BRAT1: variants seen among roughly 807,000 people sequenced by gnomAD.
BRAT1 encodes BRCA1 associated ATM activator 1, also known as integrator complex assembly factor BRAT1.
Under a neutral mutation model 70.6 loss-of-function variants are expected in BRAT1, and 74 were observed. The ratio of observed to expected loss-of-function variants is 1.05; its 90% confidence interval spans 0.87 to 1.27. BRAT1 has a LOEUF of 1.27. Among genes scored for constraint, BRAT1 ranks in the 50% most tolerant of loss-of-function variants. The pLI, the probability that BRAT1 is intolerant of heterozygous loss-of-function variation, is 0.00. For missense variants in BRAT1, 1,203 were observed against 1,098.2 expected, an observed-to-expected ratio of 1.10 and a Z score of -1.35; for synonymous variants, 615 against 517.1, an observed-to-expected ratio of 1.19 and a Z score of -2.57.
At chr7:2,554,969 C>T (rs1780308715) in intron 1 of BRAT1, among the ~76,000 whole-genome samples, 1 of 151,874 alleles carries the variant, frequency 6.6e-6, no homozygotes, top group African/African-American at 2.4e-5. Flanking sequence ...GTGTGTCTGT[C>T]CCTCTCAGGG....
At position 2,543,352 on chromosome 7, in the gene BRAT1, A is replaced by T; in HGVS notation, c.804-29T>A. The T allele has an allele frequency of 6.5e-7, 1 of 1,543,830 alleles. No homozygotes were observed. Among genetic ancestry groups the T allele is most frequent in the Non-Finnish European group, 8.7e-7 (1 of 1,144,450 alleles). Reference sequence around the variant, plus strand: ...CAGGGAGACCCCAGAGAGAAAAATTACTCCCCCACCCTCAAAACCCCATTC... The same window carrying T: ...CAGGGAGACCCCAGAGAGAAAAATTTCTCCCCCACCCTCAAAACCCCATTC... On this transcript the variant is annotated intron_variant, in intron 5 of 13. Coordinates refer to ENST00000340611, the MANE Select transcript of BRAT1 (RefSeq NM_152743.4). The surrounding 1 kb of genome is among the most constrained non-coding windows in gnomAD (Gnocchi z 5.5).
rs1779332818 is a variant in BRAT1 at position 2,543,360 on chromosome 7, A to G, written c.804-37T>C. 1.3e-6 allele frequency: 2 copies of G among 1,535,148 alleles called. No homozygotes were observed. The highest frequency in any genetic ancestry group is 1.8e-6 in the Non-Finnish European group (2 of 1,139,404). ...CCCCAGAGAGAAAAATTACTCCCCC[A>G]CCCTCAAAACCCCATTCGAGGCCTG... On this transcript the variant is annotated intron_variant, in intron 5 of 13. Coordinates refer to ENST00000340611, the MANE Select transcript of BRAT1 (RefSeq NM_152743.4). This position sits in a 1 kb window ranked among gnomAD's most constrained non-coding sequence, Gnocchi z 5.5.
chr7:2,541,680 G>C (rs1343152546), intron 8 of BRAT1, 38 bp downstream of exon 8: 1 of 1,574,186 alleles, frequency 6.4e-7, no homozygotes, highest in African/African-American at 1.3e-5. Flanking sequence ...CGCCAGCGTG[G>C]ATGCTGCTGG....
rs551655837 is a variant in BRAT1 at position 2,543,833 on chromosome 7, G to A, written c.560C>T (p.Pro187Leu). 1.2e-5 allele frequency: 20 copies of A among 1,612,864 alleles called. No individual in the cohort carries two copies. Among genetic ancestry groups the A allele is most frequent in the South Asian group, 3.3e-5 (3 of 91,080 alleles). ...GGCACACGCGGGCCAGTCACCCCCC[G>A]GCAGGCAGGGCTGCCCCTCGGCTCC... ...RGGAEGQPCL[P>L]GGDWPACAQK... The change falls in exon 5 of 14, where the codon CCG becomes CTG. Residue 187 changes from proline to leucine, a missense_variant. Pro to Leu is a moderately conservative substitution (Grantham distance 98, BLOSUM62 -3). Coordinates refer to ENST00000340611, the MANE Select transcript of BRAT1 (RefSeq NM_152743.4). This position sits in a 1 kb window ranked among gnomAD's most constrained non-coding sequence, Gnocchi z 5.5.
At chr7:2,553,569 C>A (rs1780194271) in intron 2 of BRAT1, among the ~76,000 whole-genome samples, 2 of 151,820 alleles carry the variant, frequency 1.3e-5, no homozygotes, top group Admixed American at 1.3e-4. Context: ...TATGAAAAGG[C>A]TGGGAGTAAA....
In BRAT1 at chr7:2,538,089, C is replaced by T; in HGVS notation, c.2446G>A (p.Asp816Asn). The change falls in exon 14 of 14, where the codon GAC becomes AAC. Residue 816 changes from aspartate to asparagine, a missense_variant. Physicochemically the swap from Asp to Asn is conservative, Grantham distance 23. Coordinates refer to ENST00000340611, the MANE Select transcript of BRAT1 (RefSeq NM_152743.4). ...MLATGGFLQG[D>N]EADCY is the part of the protein sequence containing the mutation. ...TCTGCTCAGTAGCAGTCGGCCTCGT[C>T]CCCCTGCAGGAAGCCTCCCGTGGCC... 1 of 1,577,722 alleles carries T rather than the reference C, an allele frequency of 6.3e-7. No homozygotes were observed. The highest frequency in any genetic ancestry group is 8.6e-7 in the Non-Finnish European group (1 of 1,156,480).
In BRAT1 at chr7:2,541,810, C is replaced by G. The variant is rs772284324; in HGVS notation, c.1042G>C (p.Ala348Pro). The change falls in exon 8 of 14, where the codon GCC (alanine) becomes CCC (proline). Residue 348 changes from alanine (A) to proline (P), a missense_variant. Ala to Pro is a conservative substitution (Grantham distance 27). Transcript: ENST00000340611. ...PGLLDGTADD[A>P]TTVDTLLASK... ...GCCAGGAGTGTGTCCACCGTCGTGG[C>G]ATCGTCTGCCGTCCCGTCCAGCAAG... 1 of 1,612,830 alleles carries G rather than the reference C, an allele frequency of 6.2e-7. No homozygotes were observed. Among genetic ancestry groups the G allele is most frequent in the Non-Finnish European group, 8.5e-7 (1 of 1,179,902 alleles).
Position 2,543,289 on chromosome 7 carries a change from ACAGGCTGCCGTCG to A in BRAT1, c.825_837del (p.Asp276GlyfsTer8). ...CTCAGAGCCCGCGCCACTGTCTCCC[ACAGGCTGCCGTCG>A]GAAGAACTGAACACGGGAGAACTGC... On this transcript the variant is annotated frameshift_variant, in exon 6 of 14. Transcript: ENST00000340611. LOFTEE classifies it high-confidence loss of function. This position sits in a 1 kb window ranked among gnomAD's most constrained non-coding sequence, Gnocchi z 5.5. The A allele has an allele frequency of 6.2e-7, 1 of 1,609,350 alleles. No homozygotes were observed. Among genetic ancestry groups the A allele is most frequent in the Non-Finnish European group, 8.5e-7 (1 of 1,177,830 alleles).
chr7:2,542,231 G>A lies in BRAT1; in HGVS notation c.924-20C>T, dbSNP rs1209161099. ...TGTGGACTGGAGACAAACGCGAGGT[G>A]AGTGCCGCGACCCTGGCTGCGAGAC... On this transcript the variant is annotated intron_variant, in intron 6 of 13. Coordinates refer to ENST00000340611, the MANE Select transcript of BRAT1 (RefSeq NM_152743.4). 1.9e-6 allele frequency: 3 copies of A among 1,541,388 alleles called. No homozygotes were observed. The highest frequency in any genetic ancestry group is 2.0e-5 in the Admixed American group (1 of 51,156).
At chr7:2,544,449 G>A (rs1410044464) in intron 4 of BRAT1, among the ~76,000 whole-genome samples, 1 of 152,008 alleles carries the variant, frequency 6.6e-6, no homozygotes, top group Non-Finnish European at 1.5e-5. Context: ...TGATCCACCC[G>A]CCTCGGCCTC....
intron 2 of BRAT1, among the ~76,000 whole-genome samples, chr7:2,551,206 A>G (rs1022802741): frequency 1.3e-5 from 2 of 150,526 alleles, no homozygotes; most frequent in Non-Finnish European, 3.0e-5. Flanking sequence ...GTGCCATTGC[A>G]CCCCAGCCTG....
chr7:2,547,827 T>C (rs1289053032), intron 2 of BRAT1, among the ~76,000 whole-genome samples: 1 of 152,150 alleles, frequency 6.6e-6, no homozygotes, highest in Non-Finnish European at 1.5e-5. Flanking sequence ...CTCACGCCTG[T>C]AATCCCAACA....
chr7:2,545,496 C>CTTTTTTTT (rs71550356), intron 3 of BRAT1, among the ~76,000 whole-genome samples: 5,128 of 129,856 alleles, frequency 0.039, 600 homozygotes, highest in African/African-American at 0.14. Flanking sequence ...CTTTCTTCTT[C>CTTTTTTTT]TTTTTTTTTT....
intron 12 of BRAT1, 94 bp downstream of exon 12, chr7:2,539,450 A>C: frequency 1.3e-6 from 2 of 1,504,160 alleles, no homozygotes; most frequent in Middle Eastern, 2.3e-4. Context: ...ACATGGCCCA[A>C]GTTTCTAGAG....
chr7:2,546,782 A>T (rs733137), intron 3 of BRAT1, among the ~76,000 whole-genome samples: 32,132 of 152,028 alleles, frequency 0.21, 4,679 homozygotes, highest in African/African-American at 0.41. Flanking sequence ...TTAATTTTTT[A>T]AAAAAAAGAC....
rs1260051801 is a variant in BRAT1, at chr7:2,545,493, C to CTTTTTTTTT, written c.283-438_283-437insAAAAAAAAA. ...AGATACTTCTGGAGGACACTTTCTT[C>CTTTTTTTTT]TTCTTTTTTTTTTTTTTGAGACAGT... is the stretch of plus-strand genomic sequence containing the variant. On this transcript the variant is annotated intron_variant, in intron 3 of 13. Coordinates refer to ENST00000340611, the MANE Select transcript of BRAT1 (RefSeq NM_152743.4). Among the ~76,000 whole-genome samples the CTTTTTTTTT allele has an allele frequency of 7.8e-4, 84 of 107,622 alleles. 5 individuals carry two copies. The highest frequency in any genetic ancestry group is 3.8e-3 in the African/African-American group (78 of 20,614). The allele number at this position is 107,622 out of a possible 152,430, so 70.6% of individuals were successfully genotyped here. A position where few individuals can be genotyped will look rare whatever the true frequency, so the allele number is the denominator to read the frequency against.
At chr7:2,547,182 A>C (rs534023978) in intron 3 of BRAT1, 142 bp downstream of exon 3, 14 of 1,078,672 alleles carry the variant, frequency 1.3e-5, no homozygotes, top group Non-Finnish European at 1.9e-5. Context: ...GGTAAAAAAC[A>C]TGCAGTTCTA....
chr7:2,545,031 A>C lies in BRAT1; in HGVS notation c.308T>G (p.Phe103Cys), dbSNP rs1779496856. The change falls in exon 4 of 14, where the codon TTT becomes TGT. Residue 103 changes from phenylalanine to cysteine, a missense_variant. Coordinates refer to ENST00000340611, the MANE Select transcript of BRAT1 (RefSeq NM_152743.4). ...LQQGELLPGL[F>C]GEPGPLGRAT... ...TCGGCCGAGGGGTCCTGGCTCCCCA[A>C]AGAGCCCTGGTAGTAACTCCCCCTG... The C allele has an allele frequency of 6.6e-7, 1 of 1,521,956 alleles. No individual in the cohort carries two copies. The allele number at this position is 1,521,956 out of a possible 1,614,324, so 94.3% of individuals were successfully genotyped here. A position where few individuals can be genotyped will look rare whatever the true frequency, so the allele number is the denominator to read the frequency against.
Position 2,547,374 on chromosome 7 carries a change from G to A in BRAT1, c.232C>T (p.Arg78Cys), listed in dbSNP as rs759508345. The change falls in exon 3 of 14, where the codon CGC becomes TGC. Residue 78 changes from arginine to cysteine, a missense_variant. Transcript: ENST00000340611. ...LSSGVLSFSL[R>C]LAGTFAAQEN... ...TGGGCTGCGAAGGTTCCTGCCAGGC[G>A]CAGTGAGAAGGAGAGGACCCCAGAA... 12 of 1,613,990 alleles carry A rather than the reference G, an allele frequency of 7.4e-6. No homozygotes were observed. Among genetic ancestry groups the A allele is most frequent in the Middle Eastern group, 1.6e-4 (1 of 6,084 alleles).
Sources: gnomAD v4.1 joint callset for allele counts (sites outside exome capture counted in the v4.1 genomes callset) on GRCh38, gnomAD v4.1.1 for gene constraint, Gnocchi (gnomAD v3.1) non-coding constraint, MANE v1.5 for transcripts, NCBI Gene and HGNC (gene_info 2026-07-23, HGNC 2026-07-21) for gene names.